LSAMP: variants seen among roughly 807,000 people sequenced by gnomAD.
LSAMP encodes the protein limbic system associated membrane protein.
A neutral mutation model predicts 38.6 loss-of-function variants in LSAMP; 7 were observed. That is an observed-to-expected ratio of 0.18 (90% CI 0.10 to 0.34). The LOEUF (loss-of-function observed/expected upper bound fraction) is 0.34, where lower values mean the gene tolerates loss of function less well. Among genes scored for constraint, LSAMP ranks in the 10% least tolerant of loss-of-function variants. The probability of loss-of-function intolerance (pLI) is 1.00; values close to 1 mark genes in which losing one functional copy is unlikely to be tolerated. For missense variants in LSAMP, 313 were observed against 420.0 expected (o/e 0.75, Z 2.23); for synonymous variants, 154 against 166.8 (o/e 0.92, Z 0.59).
intron 6 of LSAMP, among the ~76,000 whole-genome samples, chr3:115,812,752 A>G (rs754162509): frequency 2.0e-5 from 3 of 152,222 alleles, no homozygotes; most frequent in Non-Finnish European, 4.4e-5. Flanking sequence ...AAAGGTTTTC[A>G]GAAAGGGTCC....
At chr3:116,001,260 A>G (rs141131460) in intron 3 of LSAMP, among the ~76,000 whole-genome samples, 2 of 152,348 alleles carry the variant, frequency 1.3e-5, no homozygotes, top group African/African-American at 4.8e-5. Context: ...AACATAATAC[A>G]ATTCTTTGAA....
At chr3:116,329,932 G>A (rs1412130701) in intron 1 of LSAMP, among the ~76,000 whole-genome samples, 1 of 152,110 alleles carries the variant, frequency 6.6e-6, no homozygotes, top group Non-Finnish European at 1.5e-5. Flanking sequence ...CGTTTAATGT[G>A]TCATTCAATA....
intron 2 of LSAMP, among the ~76,000 whole-genome samples, chr3:116,047,562 A>T (rs1202524581): frequency 6.6e-6 from 1 of 151,710 alleles, no homozygotes; most frequent in Non-Finnish European, 1.5e-5. Context: ...CATCCCAACC[A>T]CTTCTACATG....
rs184786885 is a variant in LSAMP, at chr3:116,293,881, A to G, written c.155+150996T>C. 2.6e-5 allele frequency among the ~76,000 whole-genome samples: 4 copies of G among 151,974 alleles called. No individual in the cohort carries two copies. The East Asian group carries it at 7.7e-4, about 29-fold the overall frequency. On this transcript the variant is annotated intron_variant, in intron 1 of 6. Coordinates refer to ENST00000490035, the MANE Select transcript of LSAMP (RefSeq NM_002338.5). ...TGCACAAATAAACACTAAAAAATGT[A>G]CTCTTTTCTCTCTCAGGTGACATGC...
chr3:116,208,526 G>T (rs923251465), intron 1 of LSAMP, among the ~76,000 whole-genome samples: 16 of 152,132 alleles, frequency 1.1e-4, no homozygotes, highest in Admixed American at 9.8e-4. Context: ...CCCCATCTTT[G>T]TGGTTTTATC....
chr3:116,428,472 GT>G (rs1291470909), intron 1 of LSAMP, among the ~76,000 whole-genome samples: 1 of 151,970 alleles, frequency 6.6e-6, no homozygotes, highest in Non-Finnish European at 1.5e-5. Context: ...TTTCTTAACT[GT>G]TTTTAAGGAA....
intron 3 of LSAMP, among the ~76,000 whole-genome samples, chr3:116,016,999 T>G (rs1287643093): frequency 2.0e-5 from 3 of 152,170 alleles, no homozygotes; most frequent in Non-Finnish European, 4.4e-5. Flanking sequence ...TGAGTTTATG[T>G]AAATACAGCC....
chr3:115,807,316 T>G lies in LSAMP; in HGVS notation c.*3001A>C, dbSNP rs185136267. ...CCTATGAAATTTCTGGGGACAATGT[T>G]TTCTCTGAAACAGGAACCAGAAGCA... On this transcript the variant is annotated 3_prime_UTR_variant, in exon 7 of 7. Transcript: ENST00000490035. 1 of 152,318 alleles carries G rather than the reference T, an allele frequency of 6.6e-6. No individual in the cohort carries two copies. The highest frequency in any genetic ancestry group is 6.5e-5 in the Admixed American group (1 of 15,296). The allele number at this position is 152,318 out of a possible 1,614,324, so 9.4% of individuals were successfully genotyped here.
At chr3:115,839,234 CTTCTTTCCTTCCTTCCTTCCTTCT>C (rs1380667526) in intron 6 of LSAMP, among the ~76,000 whole-genome samples, 3 of 138,264 alleles carry the variant, frequency 2.2e-5, no homozygotes, top group East Asian at 2.1e-4. Flanking sequence ...CCCTCCCTTC[CTTCTTTCCTTCCTTCCTTCCTTCT>C]TTCTTTCCTT....
chr3:116,011,379 A>C (rs937346025), intron 3 of LSAMP, among the ~76,000 whole-genome samples: 4 of 152,212 alleles, frequency 2.6e-5, no homozygotes, highest in African/African-American at 9.6e-5. Flanking sequence ...ATAAGCAGTC[A>C]TGTATCAAGT....
At chr3:116,141,825 C>T (rs1709377091) in intron 1 of LSAMP, among the ~76,000 whole-genome samples, 1 of 151,938 alleles carries the variant, frequency 6.6e-6, no homozygotes, top group African/African-American at 2.4e-5. Flanking sequence ...TTTTTAAATA[C>T]TTTATCAGAC....
At chr3:116,294,337 A>G (rs1023660683) in intron 1 of LSAMP, among the ~76,000 whole-genome samples, 7 of 152,192 alleles carry the variant, frequency 4.6e-5, no homozygotes, top group African/African-American at 1.2e-4. Context: ...TTTTACTACA[A>G]TTATTCCAAA....
chr3:115,908,989 T>C (rs1343027012), intron 3 of LSAMP, among the ~76,000 whole-genome samples: 1 of 152,218 alleles, frequency 6.6e-6, no homozygotes, highest in East Asian at 1.9e-4. Flanking sequence ...TACTTAAATT[T>C]AGATAACATA....
At chr3:116,144,134 T>A (rs1372374349) in intron 1 of LSAMP, among the ~76,000 whole-genome samples, 1 of 151,866 alleles carries the variant, frequency 6.6e-6, no homozygotes, top group Admixed American at 6.6e-5. Context: ...TATGTGGTCA[T>A]TTTTTTTAAA....
chr3:116,349,501 ACTCT>A (rs896330209), intron 1 of LSAMP, among the ~76,000 whole-genome samples: 4 of 142,246 alleles, frequency 2.8e-5, no homozygotes, highest in Admixed American at 6.9e-5. Context: ...ACACACACAC[ACTCT>A]CTCTCTCTCT....
At chr3:115,956,603 C>T (rs1408683347) in intron 3 of LSAMP, among the ~76,000 whole-genome samples, 2 of 152,056 alleles carry the variant, frequency 1.3e-5, no homozygotes, top group Non-Finnish European at 2.9e-5. Context: ...GACAAGTTTA[C>T]TTATCACCTA....
intron 3 of LSAMP, among the ~76,000 whole-genome samples, chr3:115,888,572 A>G (rs1936514901): frequency 6.6e-6 from 1 of 151,932 alleles, no homozygotes; most frequent in Non-Finnish European, 1.5e-5. Context: ...AAAAGAAGTT[A>G]GGGATATACT....
intron 1 of LSAMP, among the ~76,000 whole-genome samples, chr3:116,334,381 A>T (rs1039084124): frequency 6.6e-6 from 1 of 152,070 alleles, no homozygotes; most frequent in African/African-American, 2.4e-5. Context: ...GAACACCCCA[A>T]CTCATTCTAC....
At chr3:116,003,699 T>G (rs886074309) in intron 3 of LSAMP, among the ~76,000 whole-genome samples, 1 of 152,142 alleles carries the variant, frequency 6.6e-6, no homozygotes, top group African/African-American at 2.4e-5. Flanking sequence ...AAGGGAGATT[T>G]GAGACACACA....
Sources: gnomAD v4.1 joint callset for allele counts (sites outside exome capture counted in the v4.1 genomes callset) on GRCh38, gnomAD v4.1.1 for gene constraint, MANE v1.5 for transcripts, NCBI Gene and HGNC (gene_info 2026-07-23, HGNC 2026-07-21) for gene names.